GPR158: variants seen among roughly 807,000 people sequenced by gnomAD.
The protein encoded by GPR158 is metabotropic glycine receptor.
Under a neutral mutation model 78.2 loss-of-function variants are expected in GPR158, and 30 were observed. The observed-to-expected ratio is 0.38, with a 90% confidence interval of 0.29 to 0.52. The LOEUF is 0.52. Among genes scored for constraint, GPR158 ranks in the 20% least tolerant of loss-of-function variants. The probability of loss-of-function intolerance (pLI) is 0.83; values close to 1 mark genes in which losing one functional copy is unlikely to be tolerated. For synonymous variants in GPR158, 581 were observed against 591.1 expected, an observed-to-expected ratio of 0.98 and a Z score of 0.25; for missense variants, 1,463 against 1,523.5, an observed-to-expected ratio of 0.96 and a Z score of 0.66.
intron 2 of GPR158, among the ~76,000 whole-genome samples, chr10:25,241,742 A>G (rs569511149): frequency 5.5e-4 from 83 of 152,190 alleles, no homozygotes; most frequent in African/African-American, 1.9e-3. Context: ...GATACTGAAT[A>G]AGATAACTCT....
chr10:25,511,336 A>G (rs1221002013), intron 5 of GPR158, among the ~76,000 whole-genome samples: 1 of 152,128 alleles, frequency 6.6e-6, no homozygotes, highest in Non-Finnish European at 1.5e-5. Context: ...GGCCATTTGT[A>G]TATCTTCTTC....
intron 4 of GPR158, among the ~76,000 whole-genome samples, chr10:25,424,228 T>G (rs1407495412): frequency 2.0e-5 from 3 of 152,218 alleles, no homozygotes; most frequent in Non-Finnish European, 4.4e-5. Context: ...TTGATGGGGT[T>G]GTTTGATTTT....
intron 4 of GPR158, among the ~76,000 whole-genome samples, chr10:25,457,423 A>C (rs1835305508): frequency 6.6e-6 from 1 of 151,302 alleles, no homozygotes; most frequent in Admixed American, 6.6e-5. Flanking sequence ...GATATTTTTG[A>C]CTGTATGACT....
chr10:25,600,658 C>T lies in GPR158; in HGVS notation c.*1384C>T, dbSNP rs1285065870. 1 of 152,538 alleles carries T rather than the reference C, an allele frequency of 6.6e-6. No individual in the cohort carries two copies. Among genetic ancestry groups the T allele is most frequent in the Admixed American group, 6.5e-5 (1 of 15,274 alleles). The allele number at this position is 152,538 out of a possible 1,614,324, so 9.4% of individuals were successfully genotyped here. ...TCAAATCCCAAAGAGGTTTTATAACCTTATTTATTCAAAACCTATAAGGTG... is the reference window on the plus strand; with the variant it reads ...TCAAATCCCAAAGAGGTTTTATAACTTTATTTATTCAAAACCTATAAGGTG... On this transcript the variant is annotated 3_prime_UTR_variant, in exon 11 of 11. Transcript: ENST00000376351.
intron 2 of GPR158, among the ~76,000 whole-genome samples, chr10:25,247,449 A>G (rs1258803454): frequency 6.0e-4 from 79 of 131,812 alleles, no homozygotes; most frequent in African/African-American, 2.1e-3. Context: ...ATATCGCCCA[A>G]TGCTATCCCT....
chr10:25,195,207 TTC>T (rs909732970), intron 1 of GPR158, among the ~76,000 whole-genome samples: 16 of 151,848 alleles, frequency 1.1e-4, no homozygotes, highest in African/African-American at 3.6e-4. Context: ...TTTTCTTTCT[TTC>T]TTTCTTTTTT....
rs946940826 is a variant in GPR158 at position 25,572,968 on chromosome 10, A to T, written c.1753+81A>T. On this transcript the variant is annotated intron_variant, in intron 7 of 10. Transcript: ENST00000376351. ...CTGACTTCTTTAAAAGTCTTGCCAG[A>T]CTCTTTAGTAAAGCCTAAACTAATC... 27 of 846,928 alleles carry T rather than the reference A, an allele frequency of 3.2e-5. 1 individual carries two copies. Among genetic ancestry groups the T allele is most frequent in the South Asian group, 2.8e-4 (20 of 70,552 alleles). 52.5% of individuals were successfully genotyped at this position (846,928 alleles called of 1,614,324 possible).
chr10:25,217,685 T>C (rs1406837123), intron 1 of GPR158, among the ~76,000 whole-genome samples: 3 of 152,196 alleles, frequency 2.0e-5, no homozygotes, highest in Admixed American at 1.3e-4. Flanking sequence ...CACTTGGCCA[T>C]TGCTTTGACT....
intron 2 of GPR158, among the ~76,000 whole-genome samples, chr10:25,261,355 C>T (rs565038974): frequency 6.6e-6 from 1 of 152,216 alleles, no homozygotes; most frequent in African/African-American, 2.4e-5. Context: ...GTACTCCTGA[C>T]CTACTTCTTC....
chr10:25,562,966 G>T (rs535113897), intron 6 of GPR158, among the ~76,000 whole-genome samples: 1 of 152,190 alleles, frequency 6.6e-6, no homozygotes, highest in South Asian at 2.1e-4. Flanking sequence ...CTGATGTTTA[G>T]TACAGATATG....
intron 2 of GPR158, among the ~76,000 whole-genome samples, chr10:25,297,291 A>G (rs906829211): frequency 2.6e-5 from 4 of 152,248 alleles, no homozygotes; most frequent in Non-Finnish European, 5.9e-5. Flanking sequence ...AGTTTGGTCC[A>G]GGAGAATAAA....
intron 6 of GPR158, among the ~76,000 whole-genome samples, chr10:25,552,820 T>C (rs1564487895): frequency 1.3e-5 from 2 of 152,170 alleles, no homozygotes; most frequent in Admixed American, 1.3e-4. Context: ...TGCGAGAGTA[T>C]GTTTAGGGGG....
intron 2 of GPR158, among the ~76,000 whole-genome samples, chr10:25,366,815 T>G (rs1473732008): frequency 1.4e-5 from 2 of 144,980 alleles, no homozygotes; most frequent in African/African-American, 2.5e-5. Context: ...GATTAAATTT[T>G]TTTTGATGAT....
intron 4 of GPR158, among the ~76,000 whole-genome samples, chr10:25,414,131 A>G (rs1467820562): frequency 6.6e-6 from 1 of 152,196 alleles, no homozygotes; most frequent in Non-Finnish European, 1.5e-5. Flanking sequence ...TGATTTTGAT[A>G]ATTAATGATT....
intron 2 of GPR158, among the ~76,000 whole-genome samples, chr10:25,390,711 C>G (rs1278458557): frequency 6.6e-6 from 1 of 152,156 alleles, no homozygotes; most frequent in Non-Finnish European, 1.5e-5. Context: ...AAATTTGCAG[C>G]CTGGCAATGC....
chr10:25,511,324 T>C (rs1484101861), intron 5 of GPR158, among the ~76,000 whole-genome samples: 1 of 152,254 alleles, frequency 6.6e-6, no homozygotes, highest in Non-Finnish European at 1.5e-5. Context: ...CATATGTTTG[T>C]TGGCCATTTG....
intron 1 of GPR158, among the ~76,000 whole-genome samples, chr10:25,208,815 G>A (rs1402338426): frequency 2.0e-5 from 3 of 151,550 alleles, no homozygotes; most frequent in Non-Finnish European, 4.4e-5. Context: ...CAGGAGAGCA[G>A]GTCACTTCCT....
intron 4 of GPR158, among the ~76,000 whole-genome samples, chr10:25,417,576 T>C (rs1834680247): frequency 6.6e-6 from 1 of 152,206 alleles, no homozygotes; most frequent in African/African-American, 2.4e-5. Context: ...TGCTGGTCTT[T>C]ACTGAGTTTT....
intron 2 of GPR158, among the ~76,000 whole-genome samples, chr10:25,370,276 A>G (rs1833968184): frequency 6.8e-6 from 1 of 147,336 alleles, no homozygotes; most frequent in African/African-American, 2.5e-5. Context: ...TCAATTATGG[A>G]TCTTTCCTGC....
Sources: allele counts gnomAD v4.1 joint callset (sites outside exome capture counted in the v4.1 genomes callset), GRCh38; gene constraint gnomAD v4.1.1; transcripts MANE v1.5; gene names NCBI Gene and HGNC (gene_info 2026-07-23, HGNC 2026-07-21).